JMJD1C: variants seen among roughly 807,000 people sequenced by gnomAD.
JMJD1C encodes jumonji domain containing 1C.
A neutral mutation model predicts 245.3 loss-of-function variants in JMJD1C; 31 were observed. The observed-to-expected ratio is 0.13, with a 90% CI of 0.09 to 0.17. The LOEUF (loss-of-function observed/expected upper bound fraction) is 0.17. JMJD1C is among the 10% of genes least tolerant of loss of function. The pLI, the probability that JMJD1C is intolerant of heterozygous loss-of-function variation, is 1.00. For synonymous variants in JMJD1C, 1,057 were observed against 1,017.4 expected, an observed-to-expected ratio of 1.04 and a Z score of -0.74; for missense variants, 2,691 against 3,000.2, an observed-to-expected ratio of 0.90 and a Z score of 2.41.
chr10:63,229,322 A>G (rs892355956), intron 3 of JMJD1C, among the ~76,000 whole-genome samples: 1 of 152,172 alleles, frequency 6.6e-6, no homozygotes, highest in Non-Finnish European at 1.5e-5. Context: ...TAAAATGTCT[A>G]TCTTTCCAAA....
rs556507723 is a variant in JMJD1C, at chr10:63,178,828, A to C, written c.7085-972T>G. On this transcript the variant is annotated intron_variant, in intron 22 of 25. Coordinates refer to ENST00000399262, the MANE Select transcript of JMJD1C (RefSeq NM_032776.3). ...CAAAAATAGTAACTAGTTGTCTCTA[A>C]GTGTAGGACCACAGGAAGGTCCTTT... is the stretch of plus-strand genomic sequence containing the variant. Among the ~76,000 whole-genome samples, 5 of 152,348 alleles carry C rather than the reference A, an allele frequency of 3.3e-5. No individual in the cohort carries two copies. In the South Asian group the frequency reaches 8.3e-4, roughly 25 times the overall value.
In JMJD1C at chr10:63,324,056, T is replaced by TC. The variant is rs58148494; in HGVS notation, c.333+56261dup. ...TCGTCTGCCTTTTTTTTTTTTTTTT[T>TC]CTATGTGGGCCCCCAAAGGATGGAC... On this transcript the variant is annotated intron_variant, in intron 2 of 25. Transcript: ENST00000399262. Among the ~76,000 whole-genome samples the TC allele has an allele frequency of 1.5e-3, 215 of 147,794 alleles. 3 individuals are homozygous for TC. The highest frequency in any genetic ancestry group is 4.8e-4 in the Non-Finnish European group (32 of 67,240).
In JMJD1C at chr10:63,280,531, C is replaced by T. The variant is rs562903369; in HGVS notation, c.334-15767G>A. Among the ~76,000 whole-genome samples the T allele has an allele frequency of 7.3e-5, 11 of 151,636 alleles. No individual in the cohort carries two copies. In the South Asian group the frequency reaches 2.3e-3, roughly 32 times the overall value. ...CATCACTGCACTCCAGCCTGGGCGA[C>T]AAGAGTGAAACTCCATTTCAAAAAA... On this transcript the variant is annotated intron_variant, in intron 2 of 25. Transcript: ENST00000399262.
At chr10:63,489,791 C>T (rs937742036) in intron 1 of JMJD1C, among the ~76,000 whole-genome samples, 2 of 152,174 alleles carry the variant, frequency 1.3e-5, no homozygotes, top group African/African-American at 2.4e-5. Flanking sequence ...GGATTACAGG[C>T]GTGAGCCACT....
chr10:63,515,640 G>A (rs1954994061), intron 1 of JMJD1C, among the ~76,000 whole-genome samples: 2 of 152,208 alleles, frequency 1.3e-5, no homozygotes, highest in South Asian at 2.1e-4. Flanking sequence ...AGTTTTGGAG[G>A]ATGTGGTTTG....
chr10:63,267,889 G>A (rs1449013517), intron 2 of JMJD1C, among the ~76,000 whole-genome samples: 1 of 151,870 alleles, frequency 6.6e-6, no homozygotes, highest in Non-Finnish European at 1.5e-5. Context: ...ATCCTGTTTG[G>A]GGCTCCATGC....
intron 1 of JMJD1C, among the ~76,000 whole-genome samples, chr10:63,403,025 A>C (rs1473649629): frequency 6.6e-6 from 1 of 152,202 alleles, no homozygotes; most frequent in African/African-American, 2.4e-5. Context: ...CGGTAGAAGG[A>C]AAGCATGATT....
At chr10:63,271,504 T>A (rs117389900) in intron 2 of JMJD1C, among the ~76,000 whole-genome samples, 14 of 152,230 alleles carry the variant, frequency 9.2e-5, no homozygotes, top group African/African-American at 2.9e-4. Context: ...TATAAATGTA[T>A]CCCTATGGAG....
chr10:63,503,651 G>T (rs1443431742), intron 1 of JMJD1C, among the ~76,000 whole-genome samples: 1 of 152,094 alleles, frequency 6.6e-6, no homozygotes, highest in Non-Finnish European at 1.5e-5. Context: ...AACTGAGATT[G>T]GCTCTCACCA....
chr10:63,330,773 T>C (rs1453894155), intron 2 of JMJD1C, among the ~76,000 whole-genome samples: 1 of 152,198 alleles, frequency 6.6e-6, no homozygotes, highest in Non-Finnish European at 1.5e-5. Context: ...ATTTCTTCTT[T>C]AACAGTCCTC....
At chr10:63,282,257 A>G (rs1485634743) in intron 2 of JMJD1C, among the ~76,000 whole-genome samples, 1 of 152,236 alleles carries the variant, frequency 6.6e-6, no homozygotes, top group Non-Finnish European at 1.5e-5. Flanking sequence ...GACAAATGAG[A>G]TACACAATTT....
At chr10:63,251,154 T>A (rs773609175) in intron 3 of JMJD1C, among the ~76,000 whole-genome samples, 83 of 152,282 alleles carry the variant, frequency 5.5e-4, no homozygotes, top group Middle Eastern at 3.4e-3. Flanking sequence ...ATCTCATATA[T>A]CGTGTTGTTG....
At chr10:63,357,153 C>T (rs893772845) in intron 2 of JMJD1C, among the ~76,000 whole-genome samples, 4 of 151,928 alleles carry the variant, frequency 2.6e-5, no homozygotes, top group African/African-American at 9.7e-5. Context: ...CCTGCCTCAG[C>T]CTCCCCAGTA....
chr10:63,302,253 C>T (rs1474781436), intron 2 of JMJD1C, among the ~76,000 whole-genome samples: 8 of 152,136 alleles, frequency 5.3e-5, no homozygotes, highest in Non-Finnish European at 8.8e-5. Flanking sequence ...CTCAAGTCAT[C>T]TCCCACAAAT....
rs1941835043 is a variant in JMJD1C, at chr10:63,328,990, GT to G, written c.333+51327del. The stretch of plus-strand genomic sequence containing the variant: ...CTGGAAATTATCTTCACTATTAACA[GT>G]AAAAAACTGGCCAGGTGCCCTGGTT... On this transcript the variant is annotated intron_variant, in intron 2 of 25. Coordinates refer to ENST00000399262, the MANE Select transcript of JMJD1C (RefSeq NM_032776.3). 2.6e-5 allele frequency among the ~76,000 whole-genome samples: 4 copies of G among 152,218 alleles called. No homozygotes were observed. The South Asian group carries it at 8.3e-4, about 32-fold the overall frequency.
intron 1 of JMJD1C, among the ~76,000 whole-genome samples, chr10:63,513,415 C>G (rs1954928715): frequency 6.6e-6 from 1 of 152,148 alleles, no homozygotes; most frequent in Non-Finnish European, 1.5e-5. Flanking sequence ...GACTCTATGA[C>G]TAAGTCCTCA....
chr10:63,303,860 A>T (rs997487678), intron 2 of JMJD1C, among the ~76,000 whole-genome samples: 1 of 152,242 alleles, frequency 6.6e-6, no homozygotes, highest in Non-Finnish European at 1.5e-5. Flanking sequence ...CAAGCAAAAA[A>T]TAACCAAGAT....
chr10:63,356,276 A>G (rs1322478728), intron 2 of JMJD1C, among the ~76,000 whole-genome samples: 1 of 152,228 alleles, frequency 6.6e-6, no homozygotes, highest in African/African-American at 2.4e-5. Context: ...TGAATACTAG[A>G]TATTTTCTGG....
At chr10:63,426,244 G>C (rs1950431993) in intron 1 of JMJD1C, among the ~76,000 whole-genome samples, 1 of 152,024 alleles carries the variant, frequency 6.6e-6, no homozygotes, top group African/African-American at 2.4e-5. Flanking sequence ...GCCAGGTGTG[G>C]TGGTGCATAC....
Sources: gnomAD v4.1 joint callset for allele counts (sites outside exome capture counted in the v4.1 genomes callset) on GRCh38, gnomAD v4.1.1 for gene constraint, MANE v1.5 for transcripts, NCBI Gene and HGNC (gene_info 2026-07-23, HGNC 2026-07-21) for gene names.